The following RAD50 variants were observed in gnomAD, a reference collection of about 807,000 sequenced individuals.
RAD50 encodes the protein RAD50 double strand break repair protein.
A neutral mutation model predicts 168.8 loss-of-function variants in RAD50; 132 were observed. The observed-to-expected ratio is 0.78, with a 90% CI of 0.68 to 0.90. The LOEUF (loss-of-function observed/expected upper bound fraction) is 0.90, where lower values mean the gene tolerates loss of function less well. Ranked by LOEUF, RAD50 falls within the 40% of genes least tolerant of loss-of-function variation. The pLI is 0.00. For synonymous variants in RAD50, 525 were observed against 497.4 expected (o/e 1.06, Z -0.74); for missense variants, 1,347 against 1,534.4 (o/e 0.88, Z 2.04).
chr5:132,605,111 C>T, intron 16 of RAD50, 112 bp downstream of exon 16: 1 of 726,154 alleles, frequency 1.4e-6, no homozygotes, highest in Non-Finnish European at 2.1e-6. Flanking sequence ...GTAGCACGAT[C>T]TCGGCTCACT....
chr5:132,613,553 T>C (rs559806090), intron 19 of RAD50, among the ~76,000 whole-genome samples: 6 of 151,730 alleles, frequency 4.0e-5, no homozygotes, highest in Non-Finnish European at 5.9e-5. Flanking sequence ...TCAGGCACTA[T>C]ACTGATTACA....
intron 21 of RAD50, among the ~76,000 whole-genome samples, chr5:132,634,085 A>G (rs1751527676): frequency 6.6e-6 from 1 of 151,936 alleles, no homozygotes; most frequent in Non-Finnish European, 1.5e-5. Context: ...GAGTCAGCTT[A>G]TGGATTCTGT....
chr5:132,602,146 A>C (rs1750900679), intron 13 of RAD50, among the ~76,000 whole-genome samples: 1 of 152,176 alleles, frequency 6.6e-6, no homozygotes, highest in Non-Finnish European at 1.5e-5. Flanking sequence ...AAATAATTAA[A>C]AAATTTTAAA....
chr5:132,564,396 A>G (rs1160238964), intron 2 of RAD50, among the ~76,000 whole-genome samples: 1 of 152,256 alleles, frequency 6.6e-6, no homozygotes, highest in African/African-American at 2.4e-5. Context: ...GACTGGCAGC[A>G]TTGTGCCCCT....
chr5:132,579,309 T>G lies in RAD50; in HGVS notation c.366-8T>G, dbSNP rs1189865447. 1 of 1,612,708 alleles carries G rather than the reference T, an allele frequency of 6.2e-7. No individual in the cohort carries two copies. Among genetic ancestry groups the G allele is most frequent in the South Asian group, 1.1e-5 (1 of 91,052 alleles). ...TTTACATATATTCTTGATTTTCATT[T>G]TCTGTAGGCATGGTGAAAAGGTCAG... On this transcript the variant is annotated splice_polypyrimidine_tract_variant and splice_region_variant and intron_variant, in intron 3 of 24. Coordinates refer to ENST00000378823, the MANE Select transcript of RAD50 (RefSeq NM_005732.4).
chr5:132,616,208 A>G, intron 20 of RAD50, 78 bp downstream of exon 20: 1 of 1,464,550 alleles, frequency 6.8e-7, no homozygotes. Context: ...TACCTGTTTT[A>G]AAAGAATTTT....
At chr5:132,583,076 T>TTA (rs2149839086) in intron 5 of RAD50, among the ~76,000 whole-genome samples, 1 of 152,326 alleles carries the variant, frequency 6.6e-6, no homozygotes, top group African/African-American at 2.4e-5. Context: ...AGTAGAGCTG[T>TTA]TAGTATTCAT....
Position 132,619,889 on chromosome 5 carries a change from G to T in RAD50, c.3389+1595G>T, listed in dbSNP as rs564815907. 8.2e-3 allele frequency among the ~76,000 whole-genome samples: 1,087 copies of T among 131,896 alleles called. 27 individuals are homozygous for T. The highest frequency in any genetic ancestry group is 0.03 in the African/African-American group (996 of 33,516). 86.5% of individuals were successfully genotyped at this position (131,896 alleles called of 152,430 possible). A position where few individuals can be genotyped will look rare whatever the true frequency, so the allele number is the denominator to read the frequency against. On this transcript the variant is annotated intron_variant, in intron 21 of 24. Coordinates refer to ENST00000378823, the MANE Select transcript of RAD50 (RefSeq NM_005732.4). ...ATATAAAGATATATATATATATAGA[G>T]AGAGAGAGAGAGAGATATATCTTTT...
rs2189148 is a variant in RAD50, at chr5:132,642,019, G to T, written c.3753-159G>T. ...AGGAGAAGAGACTCCTGCCTGGCTG[G>T]CCTGAAGGCCTGGGGCCACCCCTCC... is the stretch of plus-strand genomic sequence containing the variant. On this transcript the variant is annotated intron_variant, in intron 24 of 24. Coordinates refer to ENST00000378823, the MANE Select transcript of RAD50 (RefSeq NM_005732.4). 3.0e-3 allele frequency among the ~76,000 whole-genome samples: 460 copies of T among 152,328 alleles called. 2 individuals carry two copies. Among genetic ancestry groups the T allele is most frequent in the African/African-American group, 9.5e-3 (396 of 41,578 alleles).
Position 132,557,291 on chromosome 5 carries a change from C to T in RAD50, c.-34C>T. The T allele has an allele frequency of 6.2e-7, 1 of 1,612,994 alleles. No individual in the cohort carries two copies. The highest frequency in any genetic ancestry group is 2.2e-5 in the East Asian group (1 of 44,884). ...GCCTCAGTTAAGCCTTTGTGGGCTC[C>T]AGGTCCCTGGTGAGATTAGAAACGT... On this transcript the variant is annotated 5_prime_UTR_variant, in exon 1 of 25. Transcript: ENST00000378823.
chr5:132,644,711 CTAA>C lies in RAD50; in HGVS notation c.*2352_*2354del, dbSNP rs1360841078. Reference sequence around the variant, plus strand: ...CTCCCGGTTCAGTGTCACCCCATTACTAATAATCATTGCTGATTTCAATATCCA... The same window carrying C: ...CTCCCGGTTCAGTGTCACCCCATTACTAATCATTGCTGATTTCAATATCCA... On this transcript the variant is annotated 3_prime_UTR_variant, in exon 25 of 25. Transcript: ENST00000378823. 1 of 166,832 alleles carries C rather than the reference CTAA, an allele frequency of 6.0e-6. No homozygotes were observed. The highest frequency in any genetic ancestry group is 2.4e-5 in the African/African-American group (1 of 41,934). 10.3% of individuals were successfully genotyped at this position (166,832 alleles called of 1,614,324 possible).
intron 21 of RAD50, among the ~76,000 whole-genome samples, chr5:132,619,836 C>CTCTCTCTCTATA (rs1257882764): frequency 2.6e-5 from 3 of 114,414 alleles, no homozygotes; most frequent in Admixed American, 8.7e-5. Context: ...CTCTCTCTCT[C>CTCTCTCTCTATA]TATATATATA....
chr5:132,572,808 C>A (rs149285618), intron 2 of RAD50, among the ~76,000 whole-genome samples: 106 of 152,328 alleles, frequency 7.0e-4, no homozygotes, highest in African/African-American at 2.4e-3. Context: ...CAGCATCTAA[C>A]TTTTTGTAGA....
chr5:132,588,922 C>A, intron 8 of RAD50, 42 bp downstream of exon 8: 1 of 1,555,338 alleles, frequency 6.4e-7, no homozygotes, highest in Non-Finnish European at 8.8e-7. Context: ...TTGTTTGCAT[C>A]ATATTCTCTA....
intron 2 of RAD50, among the ~76,000 whole-genome samples, chr5:132,572,796 A>G (rs553649724): frequency 6.6e-6 from 1 of 152,364 alleles, no homozygotes; most frequent in South Asian, 2.1e-4. Flanking sequence ...CTCCTCTACT[A>G]TCAGCATCTA....
At chr5:132,576,834 C>T (rs1300755022) in intron 3 of RAD50, among the ~76,000 whole-genome samples, 1 of 152,074 alleles carries the variant, frequency 6.6e-6, no homozygotes, top group Non-Finnish European at 1.5e-5. Context: ...GGTAATGCTG[C>T]TGCTATACAA....
chr5:132,626,975 G>C (rs1256351911), intron 21 of RAD50, among the ~76,000 whole-genome samples: 1 of 152,044 alleles, frequency 6.6e-6, no homozygotes, highest in African/African-American at 2.4e-5. Context: ...CTGCCTCTTG[G>C]GTTCAAGCGA....
intron 13 of RAD50, among the ~76,000 whole-genome samples, chr5:132,601,800 T>C (rs1442619679): frequency 6.6e-6 from 1 of 151,992 alleles, no homozygotes; most frequent in Non-Finnish European, 1.5e-5. Flanking sequence ...TGCAGCCATA[T>C]AAAAGGATGA....
intron 11 of RAD50, among the ~76,000 whole-genome samples, chr5:132,592,349 C>G (rs1331990043): frequency 2.0e-5 from 3 of 152,062 alleles, no homozygotes; most frequent in African/African-American, 7.2e-5. Flanking sequence ...TTTTACATTG[C>G]TAGCATAAAA....
Sources: allele counts gnomAD v4.1 joint callset (sites outside exome capture counted in the v4.1 genomes callset), GRCh38; gene constraint gnomAD v4.1.1; transcripts MANE v1.5; gene names NCBI Gene and HGNC (gene_info 2026-07-23, HGNC 2026-07-21).